SORCS3: variants seen among roughly 807,000 people sequenced by gnomAD.
SORCS3 encodes the protein VPS10 domain-containing receptor SorCS3.
In SORCS3, 57 loss-of-function variants were observed where a neutral mutation model predicts 146.3. The observed-to-expected ratio is 0.39, with a 90% CI of 0.31 to 0.49. SORCS3 has a LOEUF of 0.49. Ranked by LOEUF, SORCS3 falls within the 20% of genes least tolerant of loss-of-function variation. The probability of loss-of-function intolerance (pLI) is 0.92; values close to 1 mark genes in which losing one functional copy is unlikely to be tolerated. For synonymous variants in SORCS3, 653 were observed against 618.5 expected (o/e 1.06, Z -0.83); for missense variants, 1,341 against 1,575.5 (o/e 0.85, Z 2.52).
intron 2 of SORCS3, among the ~76,000 whole-genome samples, chr10:104,889,986 G>T (rs1325623243): frequency 6.6e-6 from 1 of 151,950 alleles, no homozygotes; most frequent in Non-Finnish European, 1.5e-5. Context: ...TTTCCTTTCA[G>T]AACTTTAAAA....
intron 7 of SORCS3, among the ~76,000 whole-genome samples, chr10:105,114,208 A>C (rs962455867): frequency 6.6e-6 from 1 of 152,122 alleles, no homozygotes; most frequent in Non-Finnish European, 1.5e-5. Context: ...TACTCTCTTC[A>C]TGGCACAGAG....
chr10:104,869,629 C>T (rs2018498011), intron 2 of SORCS3, among the ~76,000 whole-genome samples: 1 of 152,212 alleles, frequency 6.6e-6, no homozygotes, highest in African/African-American at 2.4e-5. Context: ...CTATCACCAA[C>T]CATTTCTTCT....
intron 4 of SORCS3, among the ~76,000 whole-genome samples, chr10:104,983,314 G>C (rs963112992): frequency 7.2e-5 from 11 of 152,104 alleles, no homozygotes; most frequent in Non-Finnish European, 1.3e-4. Context: ...CCCCAAGCAT[G>C]CTTTTTCTAT....
intron 1 of SORCS3, among the ~76,000 whole-genome samples, chr10:104,741,992 G>A (rs2016853109): frequency 6.6e-6 from 1 of 151,350 alleles, no homozygotes; most frequent in African/African-American, 2.4e-5. Context: ...CCTTGTTCTT[G>A]GTATCAGTGT....
intron 2 of SORCS3, among the ~76,000 whole-genome samples, chr10:104,867,502 G>C (rs1301056402): frequency 6.6e-6 from 1 of 151,940 alleles, no homozygotes; most frequent in Non-Finnish European, 1.5e-5. Context: ...GTAGAGACAG[G>C]GTTTCATCAT....
In SORCS3 at chr10:104,806,332, T is replaced by C. The variant is rs138551505; in HGVS notation, c.628-36460T>C. Among the ~76,000 whole-genome samples the C allele has an allele frequency of 1.4e-4, 21 of 152,336 alleles. No homozygotes were observed. The East Asian group carries it at 3.9e-3, about 28-fold the overall frequency. ...ACAGGTGACACAATAGGATTATGGATAGTGGCTTCAAAAAAACAGCAGCAT... is the reference window on the plus strand; with the variant it reads ...ACAGGTGACACAATAGGATTATGGACAGTGGCTTCAAAAAAACAGCAGCAT... On this transcript the variant is annotated intron_variant, in intron 1 of 26. Coordinates refer to ENST00000369701, the MANE Select transcript of SORCS3 (RefSeq NM_014978.3).
At chr10:104,997,825 C>T (rs978261994) in intron 4 of SORCS3, among the ~76,000 whole-genome samples, 5 of 152,104 alleles carry the variant, frequency 3.3e-5, no homozygotes, top group African/African-American at 1.2e-4. Flanking sequence ...TAATTGTACA[C>T]AATGCTTGTG....
At chr10:104,950,514 G>A (rs2019417613) in intron 3 of SORCS3, among the ~76,000 whole-genome samples, 2 of 152,168 alleles carry the variant, frequency 1.3e-5, no homozygotes, top group Admixed American at 1.3e-4. Flanking sequence ...TTGGCACATA[G>A]CAAGTGGAAG....
At chr10:105,045,911 A>G (rs934485401) in intron 5 of SORCS3, among the ~76,000 whole-genome samples, 14 of 152,140 alleles carry the variant, frequency 9.2e-5, no homozygotes, top group Non-Finnish European at 4.4e-5. Flanking sequence ...AATCTCGTGT[A>G]CGGTAAGGCT....
chr10:104,666,551 G>T (rs1415366604), intron 1 of SORCS3, among the ~76,000 whole-genome samples: 2 of 152,142 alleles, frequency 1.3e-5, no homozygotes, highest in African/African-American at 4.8e-5. Context: ...GGGACCTTTT[G>T]TTCCTGTGCA....
intron 5 of SORCS3, among the ~76,000 whole-genome samples, chr10:105,067,937 A>G (rs927632981): frequency 1.3e-5 from 2 of 151,786 alleles, no homozygotes; most frequent in African/African-American, 4.8e-5. Flanking sequence ...TGCTCTCTTC[A>G]TTGTTTCATT....
chr10:104,791,646 AAGGAT>A, intron 1 of SORCS3, among the ~76,000 whole-genome samples: 1 of 152,174 alleles, frequency 6.6e-6, no homozygotes, highest in Non-Finnish European at 1.5e-5. Flanking sequence ...TGCAGGGACT[AAGGAT>A]GCCTTTAGCC....
At position 104,785,056 on chromosome 10, in the gene SORCS3, GC is replaced by G. The variant is rs776425244; in HGVS notation, c.628-57735del. Reference sequence around the variant, plus strand: ...AGGCGCCCCTCACCTCCCGGATGGGGCGGCTGGCCGGGCAGGGGGGCTGACC... The same window carrying G: ...AGGCGCCCCTCACCTCCCGGATGGGGGGCTGGCCGGGCAGGGGGGCTGACC... On this transcript the variant is annotated intron_variant, in intron 1 of 26. Transcript: ENST00000369701. Among the ~76,000 whole-genome samples, 309 of 152,092 alleles carry G rather than the reference GC, an allele frequency of 2.0e-3. 1 individual carries two copies. Among genetic ancestry groups the G allele is most frequent in the Non-Finnish European group, 3.3e-3 (224 of 67,984 alleles).
rs1392117943 is a variant in SORCS3 at position 105,221,848 on chromosome 10, A to T, written c.2735-1268A>T. On this transcript the variant is annotated intron_variant, in intron 19 of 26. Transcript: ENST00000369701. ...AAACCAAGAAAATGTGCTCTGACAT[A>T]ATAGGAGAGATTTACATATTTTAGT... Among the ~76,000 whole-genome samples, 75 of 152,266 alleles carry T rather than the reference A, an allele frequency of 4.9e-4. 1 individual carries two copies. The highest frequency in any genetic ancestry group is 1.5e-5 in the Non-Finnish European group (1 of 68,024).
intron 14 of SORCS3, among the ~76,000 whole-genome samples, chr10:105,195,038 A>G (rs1017701645): frequency 1.3e-5 from 2 of 152,204 alleles, no homozygotes; most frequent in Non-Finnish European, 2.9e-5. Context: ...GAGGAATCAC[A>G]GAGGACTTTT....
chr10:105,080,842 T>G (rs1475275786), intron 5 of SORCS3, among the ~76,000 whole-genome samples: 1 of 152,084 alleles, frequency 6.6e-6, no homozygotes, highest in East Asian at 1.9e-4. Context: ...ATAGAGAGCA[T>G]GGAAATGAGG....
chr10:104,884,755 T>C (rs1284823909), intron 2 of SORCS3, among the ~76,000 whole-genome samples: 1 of 152,110 alleles, frequency 6.6e-6, no homozygotes, highest in African/African-American at 2.4e-5. Flanking sequence ...CTAAAATAGT[T>C]TTGAATTCTC....
intron 13 of SORCS3, among the ~76,000 whole-genome samples, chr10:105,173,448 C>T (rs2056376219): frequency 6.6e-6 from 1 of 152,094 alleles, no homozygotes; most frequent in African/African-American, 2.4e-5. Context: ...GCTCATGCAA[C>T]CTCTATATAT....
chr10:104,943,642 C>T (rs1246949419), intron 3 of SORCS3, among the ~76,000 whole-genome samples: 1 of 152,116 alleles, frequency 6.6e-6, no homozygotes, highest in African/African-American at 2.4e-5. Context: ...TATTTCCCCC[C>T]ACTCTCATCT....
Sources: gnomAD v4.1 joint callset for allele counts (sites outside exome capture counted in the v4.1 genomes callset) on GRCh38, gnomAD v4.1.1 for gene constraint, MANE v1.5 for transcripts, NCBI Gene and HGNC (gene_info 2026-07-23, HGNC 2026-07-21) for gene names.